Variants in PAF1 observed in about 807,000 individuals in gnomAD.
PAF1 encodes the protein RNA polymerase II-associated factor 1 homolog.
Under a neutral mutation model 68.4 loss-of-function variants are expected in PAF1, and 31 were observed. That is an observed-to-expected ratio of 0.45 (90% CI 0.34 to 0.61). The LOEUF (loss-of-function observed/expected upper bound fraction) is 0.61. Ranked by LOEUF, PAF1 falls within the 20% of genes least tolerant of loss-of-function variation. The pLI, the probability that PAF1 is intolerant of heterozygous loss-of-function variation, is 0.01. For missense variants in PAF1, 435 were observed against 692.9 expected, an observed-to-expected ratio of 0.63 and a Z score of 4.18; for synonymous variants, 256 against 240.5, an observed-to-expected ratio of 1.06 and a Z score of -0.60.
Position 39,386,089 on chromosome 19 carries a change from C to T in PAF1, c.1498G>A (p.Ala500Thr), listed in dbSNP as rs764156913. 3.1e-6 allele frequency: 5 copies of T among 1,614,014 alleles called. No individual in the cohort carries two copies. Among genetic ancestry groups the T allele is most frequent in the Non-Finnish European group, 4.2e-6 (5 of 1,180,028 alleles). The change falls in exon 14 of 14, where the codon GCC (alanine) becomes ACC (threonine). Residue 500 changes from alanine (A) to threonine (T), a missense_variant. Physicochemically the swap from Ala to Thr is moderately conservative, Grantham distance 58. Transcript: ENST00000221265. The surrounding 1 kb of genome is among the most constrained non-coding windows in gnomAD (Gnocchi z 6.1). The part of the protein sequence containing the change: ...GQRSRSHSRS[A>T]SPFPSGSEHS... Reference sequence around the variant, plus strand: ...TCGCTGCCACTGGGGAAGGGACTGGCGCTGCGGCTGTGGCTCCGGCTCCGC... The same window carrying T: ...TCGCTGCCACTGGGGAAGGGACTGGTGCTGCGGCTGTGGCTCCGGCTCCGC...
Position 39,390,979 on chromosome 19 carries a change from T to G in PAF1, c.-115A>C, listed in dbSNP as rs2078367563. ...CGAGGAAGGCCCAGCTTGGCGCCGC[T>G]CCCCGCGGAAAGTGGGTTGAGATGA... On this transcript the variant is annotated 5_prime_UTR_variant, in exon 1 of 14. Coordinates refer to ENST00000221265, the MANE Select transcript of PAF1 (RefSeq NM_019088.4). 5 of 1,088,026 alleles carry G rather than the reference T, an allele frequency of 4.6e-6. No individual in the cohort carries two copies. In the South Asian group the frequency reaches 7.5e-5, roughly 16 times the overall value. 67.4% of individuals were successfully genotyped at this position (1,088,026 alleles called of 1,614,324 possible).
Position 39,386,838 on chromosome 19 carries a change from C to T in PAF1, c.987-39G>A, listed in dbSNP as rs202019823. The stretch of plus-strand genomic sequence containing the variant: ...ATTTGGGAGAGAGAAGTGGAAGATG[C>T]AGTTAAAGACACACCTCCCACTTCC... On this transcript the variant is annotated intron_variant, in intron 11 of 13. Transcript: ENST00000221265. This position sits in a 1 kb window ranked among gnomAD's most constrained non-coding sequence, Gnocchi z 6.1. 18 of 1,383,570 alleles carry T rather than the reference C, an allele frequency of 1.3e-5. No individual in the cohort carries two copies. Among genetic ancestry groups the T allele is most frequent in the Non-Finnish European group, 4.1e-6 (4 of 970,338 alleles). The allele number at this position is 1,383,570 out of a possible 1,614,324, so 85.7% of individuals were successfully genotyped here.
chr19:39,390,494 G>A (rs896335720), intron 1 of PAF1, among the ~76,000 whole-genome samples: 5 of 152,208 alleles, frequency 3.3e-5, no homozygotes, highest in Non-Finnish European at 7.3e-5. Flanking sequence ...AAGCTTTAAT[G>A]AACAAGGCCA....
Position 39,386,808 on chromosome 19 carries a change from G to T in PAF1, c.987-9C>A. The T allele has an allele frequency of 6.3e-7, 1 of 1,592,342 alleles. No homozygotes were observed. On this transcript the variant is annotated splice_polypyrimidine_tract_variant and intron_variant, in intron 11 of 13. Transcript: ENST00000221265. This position sits in a 1 kb window ranked among gnomAD's most constrained non-coding sequence, Gnocchi z 6.1. Reference sequence around the variant, plus strand: ...GCTTACTAAGGCGGACCCTGCAGGGGGTGAATTTGGGAGAGAGAAGTGGAA... The same window carrying T: ...GCTTACTAAGGCGGACCCTGCAGGGTGTGAATTTGGGAGAGAGAAGTGGAA...
chr19:39,390,838 G>A lies in PAF1; in HGVS notation c.27C>T (p.Ala9=), dbSNP rs1328173393. ...CCTACCTGTGGCCATCCTCCCGCTG[G>A]GCCTGGGTCTGGATGGTGGGCGCCA... MAPTIQTQ[A]QREDGHRPNS... Residue 9 remains alanine, a synonymous_variant, in exon 1 of 14, where the codon GCC becomes GCT. Transcript: ENST00000221265. 6.3e-7 allele frequency: 1 copy of A among 1,587,984 alleles called. No individual in the cohort carries two copies. The highest frequency in any genetic ancestry group is 8.6e-7 in the Non-Finnish European group (1 of 1,167,078).
At position 39,389,963 on chromosome 19, in the gene PAF1, G is replaced by A. The variant is rs2078337989; in HGVS notation, c.170+106C>T. The A allele has an allele frequency of 7.5e-6, 8 of 1,066,216 alleles. No individual in the cohort carries two copies. The highest frequency in any genetic ancestry group is 1.2e-5 in the Non-Finnish European group (8 of 694,498). 66.0% of individuals were successfully genotyped at this position (1,066,216 alleles called of 1,614,324 possible). ...ATTGAGCAGCTACTACTATGTGCTA[G>A]GGTAGGTACTGTGCTAGGCCCTGAG... is the stretch of plus-strand genomic sequence containing the variant. On this transcript the variant is annotated intron_variant, in intron 3 of 13. Coordinates refer to ENST00000221265, the MANE Select transcript of PAF1 (RefSeq NM_019088.4). The surrounding 1 kb of genome is among the most constrained non-coding windows in gnomAD (Gnocchi z 5.3).
intron 11 of PAF1, 135 bp downstream of exon 11, chr19:39,388,204 A>G (rs2078295510): frequency 3.6e-6 from 3 of 832,108 alleles, no homozygotes; most frequent in Non-Finnish European, 3.9e-6. Flanking sequence ...GTGCATGACC[A>G]GACATCTGCT....
Position 39,390,969 on chromosome 19 carries a change from T to C in PAF1, c.-105A>G. 8.6e-7 allele frequency: 1 copy of C among 1,165,560 alleles called. No homozygotes were observed. The highest frequency in any genetic ancestry group is 1.2e-6 in the Non-Finnish European group (1 of 828,552). The allele number at this position is 1,165,560 out of a possible 1,614,324, so 72.2% of individuals were successfully genotyped here. ...ACGCCTGATCCGAGGAAGGCCCAGC[T>C]TGGCGCCGCTCCCCGCGGAAAGTGG... On this transcript the variant is annotated 5_prime_UTR_variant, in exon 1 of 14. Transcript: ENST00000221265.
At position 39,385,737 on chromosome 19, in the gene PAF1, A is replaced by G; in HGVS notation, c.*254T>C. 2 of 574,096 alleles carry G rather than the reference A, an allele frequency of 3.5e-6. No homozygotes were observed. Among genetic ancestry groups the G allele is most frequent in the South Asian group, 4.8e-5 (2 of 41,724 alleles). The allele number at this position is 574,096 out of a possible 1,614,324, so 35.6% of individuals were successfully genotyped here. A position where few individuals can be genotyped will look rare whatever the true frequency, so the allele number is the denominator to read the frequency against. ...GTTGTGCTACATTTTGTGGGAAACCATTGGCCCTGCCTCTGGCCTGTGTTT... is the reference window on the plus strand; with the variant it reads ...GTTGTGCTACATTTTGTGGGAAACCGTTGGCCCTGCCTCTGGCCTGTGTTT... On this transcript the variant is annotated 3_prime_UTR_variant, in exon 14 of 14. Transcript: ENST00000221265.
chr19:39,390,190 C>T lies in PAF1; in HGVS notation c.78-29G>A, dbSNP rs142915766. 1.8e-4 allele frequency: 286 copies of T among 1,610,430 alleles called. 1 individual carries two copies. The East Asian group carries it at 6.2e-3, about 35-fold the overall frequency. ...GGAACATTAGTGGCTCAAAAGTGGG[C>T]CCCCGCTGCCCCACCTCTGCTCCCA... On this transcript the variant is annotated intron_variant, in intron 2 of 13. Transcript: ENST00000221265.
Position 39,389,520 on chromosome 19 carries a change from G to A in PAF1, c.319C>T (p.Leu107Phe). 6.2e-7 allele frequency: 1 copy of A among 1,614,180 alleles called. No homozygotes were observed. The highest frequency in any genetic ancestry group is 8.5e-7 in the Non-Finnish European group (1 of 1,180,022). ...NVLLDPADEK[L>F]LEEEIQAPTS... ...GGGGCCTGAATCTCCTCTTCCAAAA[G>A]TTTCTCATCAGCTGGATCTAGAAGA... The change falls in exon 5 of 14, where the codon CTT (leucine) becomes TTT (phenylalanine). Residue 107 changes from leucine (L) to phenylalanine (F), a missense_variant. Physicochemically the swap from Leu to Phe is conservative, Grantham distance 22 (BLOSUM62 0). Transcript: ENST00000221265. This position sits in a 1 kb window ranked among gnomAD's most constrained non-coding sequence, Gnocchi z 5.3.
chr19:39,389,454 CCAG>C lies in PAF1; in HGVS notation c.359+23_359+25del. 2 of 1,613,506 alleles carry C rather than the reference CCAG, an allele frequency of 1.2e-6. No homozygotes were observed. Among genetic ancestry groups the C allele is most frequent in the Non-Finnish European group, 1.7e-6 (2 of 1,179,444 alleles). ...TTGTAGGGCCCACCTGAGCCAGTCT[CCAG>C]TACCCATTTGCTACCCACTCACCTC... On this transcript the variant is annotated intron_variant, in intron 5 of 13. Transcript: ENST00000221265. This position sits in a 1 kb window ranked among gnomAD's most constrained non-coding sequence, Gnocchi z 5.3.
At chr19:39,390,681 T>A in intron 1 of PAF1, 137 bp downstream of exon 1, 1 of 922,424 alleles carries the variant, frequency 1.1e-6, no homozygotes, top group Non-Finnish European at 1.7e-6. Context: ...CACCTGAATC[T>A]CAGAAGGAAC....
rs944863917 is a variant in PAF1, at chr19:39,386,729, G to A, written c.1057C>T (p.His353Tyr). The change falls in exon 12 of 14, where the codon CAT (histidine) becomes TAT (tyrosine). Residue 353 changes from histidine to tyrosine, a missense_variant. His to Tyr is a moderately conservative substitution (Grantham distance 83). Coordinates refer to ENST00000221265, the MANE Select transcript of PAF1 (RefSeq NM_019088.4). This position sits in a 1 kb window ranked among gnomAD's most constrained non-coding sequence, Gnocchi z 6.1. ...AGTTCCTTCTCATTCATGTCCCGAT[G>A]TTTGACCACAAGCAGGGCGTTGGTG... ...SGTNALLVVK[H>Y]RDMNEKELEA... The A allele has an allele frequency of 2.1e-5, 34 of 1,613,936 alleles. No homozygotes were observed. Among genetic ancestry groups the A allele is most frequent in the Non-Finnish European group, 2.9e-5 (34 of 1,179,904 alleles).
Position 39,389,691 on chromosome 19 carries a change from C to T in PAF1, c.241G>A (p.Gly81Arg). 3 of 1,614,162 alleles carry T rather than the reference C, an allele frequency of 1.9e-6. No individual in the cohort carries two copies. The highest frequency in any genetic ancestry group is 1.1e-5 in the South Asian group (1 of 91,082). ...GGATTGATGAGATCGATGGTGACCC[C>T]CAGGTCTGGCTCAGTCAGGAGGTCA... ...KHDLLTEPDL[G>R]VTIDLINPDT... Residue 81 changes from glycine (G) to arginine (R), a missense_variant, in exon 4 of 14, where the codon GGG becomes AGG. Physicochemically the swap from Gly to Arg is moderately radical, Grantham distance 125. Around this residue, in one of 7 missense-constraint regions of PAF1, gnomAD observed 77 missense variants for 118.2 expected, o/e 0.65. Transcript: ENST00000221265. The surrounding 1 kb of genome is among the most constrained non-coding windows in gnomAD (Gnocchi z 5.3).
At chr19:39,388,904 C>T in intron 8 of PAF1, 39 bp from the exon 9 acceptor site, 1 of 1,609,974 alleles carries the variant, frequency 6.2e-7, no homozygotes, top group South Asian at 1.1e-5. Flanking sequence ...TGGGAACAGG[C>T]ACAAATAGGC....
Position 39,386,722 on chromosome 19 carries a change from T to G in PAF1, c.1064A>C (p.Asp355Ala). 6.2e-7 allele frequency: 1 copy of G among 1,613,948 alleles called. No homozygotes were observed. Among genetic ancestry groups the G allele is most frequent in the Non-Finnish European group, 8.5e-7 (1 of 1,179,814 alleles). ...TNALLVVKHR[D>A]MNEKELEAQE... Reference sequence around the variant, plus strand: ...AGCTTCCAGTTCCTTCTCATTCATGTCCCGATGTTTGACCACAAGCAGGGC... The same window carrying G: ...AGCTTCCAGTTCCTTCTCATTCATGGCCCGATGTTTGACCACAAGCAGGGC... The change falls in exon 12 of 14, where the codon GAC (aspartate) becomes GCC (alanine). Residue 355 changes from aspartate (D) to alanine (A), a missense_variant. This residue lies in a region of PAF1 where 151 missense variants were observed against 306.3 expected (regional missense o/e 0.49). Transcript: ENST00000221265. This position sits in a 1 kb window ranked among gnomAD's most constrained non-coding sequence, Gnocchi z 6.1.
At chr19:39,390,213 C>T in intron 2 of PAF1, 47 bp downstream of exon 2, 4 of 1,613,054 alleles carry the variant, frequency 2.5e-6, no homozygotes, top group East Asian at 2.2e-5. Flanking sequence ...ACCTCTGCTC[C>T]CAGCCCCACT....
In PAF1 at chr19:39,385,873, A is replaced by C. The variant is rs982107117; in HGVS notation, c.*118T>G. On this transcript the variant is annotated 3_prime_UTR_variant, in exon 14 of 14. Coordinates refer to ENST00000221265, the MANE Select transcript of PAF1 (RefSeq NM_019088.4). Reference sequence around the variant, plus strand: ...GAAGTAAAGAGAAGTTGACTTTATTAACAGCAAAGGTTTGGGGGTGGGGAA... The same window carrying C: ...GAAGTAAAGAGAAGTTGACTTTATTCACAGCAAAGGTTTGGGGGTGGGGAA... 1.4e-6 allele frequency: 2 copies of C among 1,446,216 alleles called. No homozygotes were observed. Among genetic ancestry groups the C allele is most frequent in the Non-Finnish European group, 1.8e-6 (2 of 1,083,022 alleles). The allele number at this position is 1,446,216 out of a possible 1,614,324, so 89.6% of individuals were successfully genotyped here.
Sources: allele counts gnomAD v4.1 joint callset (sites outside exome capture counted in the v4.1 genomes callset), GRCh38; gene constraint gnomAD v4.1.1; regional missense constraint gnomAD v4.1.1; non-coding constraint Gnocchi (gnomAD v3.1); transcripts MANE v1.5; gene names NCBI Gene and HGNC (gene_info 2026-07-23, HGNC 2026-07-21).